PROS1: variants seen among roughly 807,000 people sequenced by gnomAD.
PROS1 encodes the protein protein S.
Under a neutral mutation model 75.9 loss-of-function variants are expected in PROS1, and 29 were observed. The observed-to-expected ratio is 0.38, with a 90% CI of 0.28 to 0.52. The LOEUF is 0.52. Among genes scored for constraint, PROS1 ranks in the 20% least tolerant of loss-of-function variants. The pLI, the probability that PROS1 is intolerant of heterozygous loss-of-function variation, is 0.83. For synonymous variants in PROS1, 245 were observed against 280.6 expected (o/e 0.87, Z 1.27); for missense variants, 680 against 810.3 (o/e 0.84, Z 1.95).
Position 93,900,722 on chromosome 3 carries a change from A to T in PROS1, c.727+82T>A, listed in dbSNP as rs1347264677. On this transcript the variant is annotated intron_variant, in intron 7 of 14. Transcript: ENST00000394236. ...AAGAAAATATGACTGTTGATGTCAAACAAAGCCAATGCTTTTAAATATCAG... is the reference window on the plus strand; with the variant it reads ...AAGAAAATATGACTGTTGATGTCAATCAAAGCCAATGCTTTTAAATATCAG... 5 of 1,579,196 alleles carry T rather than the reference A, an allele frequency of 3.2e-6. No individual in the cohort carries two copies. The African/African-American group carries it at 6.7e-5, about 21-fold the overall frequency.
intron 13 of PROS1, among the ~76,000 whole-genome samples, chr3:93,878,432 G>A (rs1028913237): frequency 2.0e-5 from 3 of 152,174 alleles, no homozygotes; most frequent in African/African-American, 7.2e-5. Flanking sequence ...TTCAACCACA[G>A]GTCTCTTTCT....
chr3:93,968,788 A>ATTTTGG lies in PROS1; in HGVS notation c.76+4885_76+4886insCCAAAA, dbSNP rs1445770195. Among the ~76,000 whole-genome samples the ATTTTGG allele has an allele frequency of 1.1e-3, 163 of 152,336 alleles. 1 individual carries two copies. Among genetic ancestry groups the ATTTTGG allele is most frequent in the African/African-American group, 3.7e-3 (152 of 41,572 alleles). On this transcript the variant is annotated intron_variant, in intron 1 of 14. Transcript: ENST00000394236. ...TAGAAGGAAGACAATAATCCAGGCA[A>ATTTTGG]AATAGTGTTGTTGCCACATACTAAT...
intron 1 of PROS1, among the ~76,000 whole-genome samples, chr3:93,956,804 T>G (rs1709610784): frequency 6.6e-6 from 1 of 152,098 alleles, no homozygotes; most frequent in African/African-American, 2.4e-5. Flanking sequence ...TTTACTATGC[T>G]TGCATTAACA....
At chr3:93,940,282 A>T (rs1398308135) in intron 1 of PROS1, among the ~76,000 whole-genome samples, 1 of 152,088 alleles carries the variant, frequency 6.6e-6, no homozygotes, top group Non-Finnish European at 1.5e-5. Flanking sequence ...GAAGACTGAC[A>T]CTGCCCGATT....
intron 1 of PROS1, among the ~76,000 whole-genome samples, chr3:93,945,868 T>C (rs1709386198): frequency 6.6e-6 from 1 of 152,190 alleles, no homozygotes; most frequent in South Asian, 2.1e-4. Flanking sequence ...GAAGTCAAAT[T>C]GTCCCTGTGT....
intron 1 of PROS1, among the ~76,000 whole-genome samples, chr3:93,960,742 A>G (rs1704368738): frequency 6.6e-6 from 1 of 151,492 alleles, no homozygotes; most frequent in Non-Finnish European, 1.5e-5. Flanking sequence ...CACTTCATAG[A>G]CCATCTTATC....
intron 12 of PROS1, among the ~76,000 whole-genome samples, chr3:93,879,758 C>CAAAAAT (rs1559928263): frequency 6.6e-6 from 1 of 152,178 alleles, no homozygotes; most frequent in Non-Finnish European, 1.5e-5. Context: ...GATCTATATA[C>CAAAAAT]ATAGGAGAGT....
Position 93,884,723 on chromosome 3 carries a change from C to T in PROS1, c.1492+5G>A. 3.7e-6 allele frequency: 6 copies of T among 1,609,518 alleles called. No homozygotes were observed. The highest frequency in any genetic ancestry group is 5.1e-6 in the Non-Finnish European group (6 of 1,176,616). On this transcript the variant is annotated splice_donor_5th_base_variant and intron_variant, in intron 12 of 14. Coordinates refer to ENST00000394236, the MANE Select transcript of PROS1 (RefSeq NM_000313.4). The stretch of plus-strand genomic sequence containing the variant: ...GAAAATAGAGATAAATGGAAAATCA[C>T]TTACTATAATCTATGTGAAATTGAG...
intron 1 of PROS1, among the ~76,000 whole-genome samples, chr3:93,940,984 C>T (rs1709277610): frequency 6.6e-6 from 1 of 152,184 alleles, no homozygotes; most frequent in Non-Finnish European, 1.5e-5. Context: ...CCTTCCTCCA[C>T]AACTCACTAT....
chr3:93,923,154 G>T (rs1708967455), intron 3 of PROS1, among the ~76,000 whole-genome samples: 1 of 152,080 alleles, frequency 6.6e-6, no homozygotes, highest in Non-Finnish European at 1.5e-5. Flanking sequence ...TTACCATGTT[G>T]CCAAATGAGA....
At chr3:93,948,289 G>T (rs1307431088) in intron 1 of PROS1, among the ~76,000 whole-genome samples, 2 of 151,420 alleles carry the variant, frequency 1.3e-5, no homozygotes, top group African/African-American at 4.8e-5. Flanking sequence ...AAAAAAAAAA[G>T]TAGGCTGCAA....
intron 14 of PROS1, among the ~76,000 whole-genome samples, chr3:93,876,330 T>C (rs1304878226): frequency 3.3e-5 from 5 of 152,162 alleles, no homozygotes; most frequent in Non-Finnish European, 7.3e-5. Context: ...TGCTCACGCC[T>C]GTAATCCCAG....
rs1433492642 is a variant in PROS1 at position 93,915,002 on chromosome 3, G to A, written c.260-4297C>T. On this transcript the variant is annotated intron_variant, in intron 3 of 14. Coordinates refer to ENST00000394236, the MANE Select transcript of PROS1 (RefSeq NM_000313.4). Reference sequence around the variant, plus strand: ...CTTTCTATTCATGGTAGTCTCTTTGGGAAATGGTAACTTGGGACACACCCT... The same window carrying A: ...CTTTCTATTCATGGTAGTCTCTTTGAGAAATGGTAACTTGGGACACACCCT... Among the ~76,000 whole-genome samples, 3 of 152,062 alleles carry A rather than the reference G, an allele frequency of 2.0e-5. No individual in the cohort carries two copies. The East Asian group carries it at 5.8e-4, about 29-fold the overall frequency.
At chr3:93,875,096 A>G (rs974005079) in intron 14 of PROS1, among the ~76,000 whole-genome samples, 1 of 152,104 alleles carries the variant, frequency 6.6e-6, no homozygotes, top group Non-Finnish European at 1.5e-5. Flanking sequence ...TAACTTGCCA[A>G]CACAGTGAAT....
intron 10 of PROS1, among the ~76,000 whole-genome samples, chr3:93,891,872 T>G (rs1054976479): frequency 6.6e-5 from 10 of 151,776 alleles, no homozygotes; most frequent in African/African-American, 2.2e-4. Flanking sequence ...CTGGGCAACA[T>G]AGCAAGACCC....
intron 3 of PROS1, among the ~76,000 whole-genome samples, chr3:93,912,900 T>G (rs181805056): frequency 1.3e-3 from 197 of 152,296 alleles, no homozygotes; most frequent in Non-Finnish European, 1.9e-3. Context: ...ACATACTTTT[T>G]GAGGGTCACA....
intron 1 of PROS1, 151 bp downstream of exon 1, chr3:93,973,523 C>G (rs2107278776): frequency 1.3e-6 from 1 of 772,888 alleles, no homozygotes; most frequent in Admixed American, 2.1e-5. Flanking sequence ...CTGCTCTATC[C>G]ACGGCTGTTT....
At chr3:93,937,035 G>A (rs1270105430) in intron 1 of PROS1, among the ~76,000 whole-genome samples, 1 of 152,176 alleles carries the variant, frequency 6.6e-6, no homozygotes, top group Non-Finnish European at 1.5e-5. Flanking sequence ...CAAGGGACAG[G>A]AAGAGTTGAT....
At chr3:93,969,237 A>T (rs1392528810) in intron 1 of PROS1, among the ~76,000 whole-genome samples, 2 of 150,970 alleles carry the variant, frequency 1.3e-5, no homozygotes, top group African/African-American at 4.9e-5. Flanking sequence ...GATGATACCT[A>T]GGAAATGGAA....
Sources: gnomAD v4.1 joint callset for allele counts (sites outside exome capture counted in the v4.1 genomes callset) on GRCh38, gnomAD v4.1.1 for gene constraint, MANE v1.5 for transcripts, NCBI Gene and HGNC (gene_info 2026-07-23, HGNC 2026-07-21) for gene names.